DPP10: variants seen among roughly 807,000 people sequenced by gnomAD.
DPP10 encodes inactive dipeptidyl peptidase 10.
DPP10 carries 33 observed loss-of-function variants against 120.9 expected under a neutral mutation model. The ratio of observed to expected loss-of-function variants is 0.27; its 90% CI spans 0.21 to 0.37. The LOEUF (loss-of-function observed/expected upper bound fraction) is 0.37. Among genes scored for constraint, DPP10 ranks in the 10% least tolerant of loss-of-function variants. DPP10 has a pLI of 1.00. For synonymous variants in DPP10, 337 were observed against 326.1 expected, an observed-to-expected ratio of 1.03 and a Z score of -0.36; for missense variants, 816 against 942.8, an observed-to-expected ratio of 0.87 and a Z score of 1.76.
At chr2:115,425,995 G>A (rs1297015195) in intron 3 of DPP10, among the ~76,000 whole-genome samples, 3 of 152,202 alleles carry the variant, frequency 2.0e-5, no homozygotes, top group Non-Finnish European at 4.4e-5. Context: ...AACTAATGAG[G>A]GATCTGCCTC....
intron 5 of DPP10, among the ~76,000 whole-genome samples, chr2:115,674,624 C>T (rs2090136367): frequency 6.6e-6 from 1 of 152,020 alleles, no homozygotes; most frequent in Non-Finnish European, 1.5e-5. Flanking sequence ...AAGACTTGGT[C>T]CCTTAAAGAA....
At chr2:115,304,745 G>A (rs553506367) in intron 1 of DPP10, among the ~76,000 whole-genome samples, 1 of 151,982 alleles carries the variant, frequency 6.6e-6, no homozygotes, top group South Asian at 2.1e-4. Context: ...CAAATCCGCT[G>A]GTTAAGATTT....
At chr2:115,354,725 G>A (rs1339737980) in intron 3 of DPP10, among the ~76,000 whole-genome samples, 1 of 151,286 alleles carries the variant, frequency 6.6e-6, no homozygotes, top group Non-Finnish European at 1.5e-5. Context: ...AATAGGCCCT[G>A]GTGTGTGTTG....
chr2:114,668,535 G>A (rs1425503089), intron 1 of DPP10, among the ~76,000 whole-genome samples: 1 of 152,072 alleles, frequency 6.6e-6, no homozygotes, highest in African/African-American at 2.4e-5. Context: ...CCAGCTATCT[G>A]AGCAGCCTTA....
In DPP10 at chr2:114,525,137, CTATGTTCCT is replaced by C. The variant is rs1239595612; in HGVS notation, c.60+82301_60+82309del. ...TTTCTAAGCCTCCAGAAACTGTATC[CTATGTTCCT>C]TTATATTGTATTAGAAATAAAGAAT... On this transcript the variant is annotated intron_variant, in intron 1 of 25. Coordinates refer to ENST00000410059, the MANE Select transcript of DPP10 (RefSeq NM_020868.6). Among the ~76,000 whole-genome samples the C allele has an allele frequency of 3.3e-5, 5 of 152,214 alleles. No homozygotes were observed. The East Asian group carries it at 7.7e-4, about 24-fold the overall frequency.
chr2:115,827,996 T>G (rs772272109), intron 21 of DPP10, among the ~76,000 whole-genome samples: 4 of 152,158 alleles, frequency 2.6e-5, no homozygotes, highest in Non-Finnish European at 5.9e-5. Context: ...TTTCTTTGTG[T>G]AGATACAGAT....
chr2:114,570,395 A>C (rs1440637645), intron 1 of DPP10, among the ~76,000 whole-genome samples: 1 of 152,082 alleles, frequency 6.6e-6, no homozygotes, highest in Non-Finnish European at 1.5e-5. Context: ...AATCCAACCA[A>C]CATATCTAGA....
chr2:114,610,887 C>T (rs1693229474), intron 1 of DPP10, among the ~76,000 whole-genome samples: 1 of 151,966 alleles, frequency 6.6e-6, no homozygotes, highest in African/African-American at 2.4e-5. Flanking sequence ...CATCCTTATC[C>T]CTCCCCTCAG....
intron 5 of DPP10, among the ~76,000 whole-genome samples, chr2:115,576,284 G>A (rs1195189753): frequency 6.6e-6 from 1 of 152,144 alleles, no homozygotes; most frequent in East Asian, 1.9e-4. Context: ...TTTCAACAAT[G>A]ATAAAGGAAC....
chr2:115,565,395 C>T (rs1296969950), intron 5 of DPP10, among the ~76,000 whole-genome samples: 1 of 152,072 alleles, frequency 6.6e-6, no homozygotes, highest in African/African-American at 2.4e-5. Context: ...CTTTTAGCTC[C>T]AAGTACTTTT....
chr2:115,721,140 A>G (rs1042229659), intron 7 of DPP10, among the ~76,000 whole-genome samples: 5 of 152,218 alleles, frequency 3.3e-5, no homozygotes, highest in Non-Finnish European at 7.3e-5. Context: ...TGTACATTTA[A>G]GACATATGTT....
At chr2:115,299,666 A>C (rs745335410) in intron 1 of DPP10, among the ~76,000 whole-genome samples, 15 of 152,164 alleles carry the variant, frequency 9.9e-5, no homozygotes, top group South Asian at 2.1e-4. Flanking sequence ...GTTTGTGTGC[A>C]TGCAACATTT....
intron 3 of DPP10, among the ~76,000 whole-genome samples, chr2:115,359,523 C>T (rs994312321): frequency 2.6e-5 from 4 of 151,918 alleles, no homozygotes; most frequent in African/African-American, 9.7e-5. Context: ...TGTAATAGAC[C>T]TCACCCTTTT....
At chr2:115,631,429 G>C (rs1206743885) in intron 5 of DPP10, among the ~76,000 whole-genome samples, 1 of 151,758 alleles carries the variant, frequency 6.6e-6, no homozygotes, top group Non-Finnish European at 1.5e-5. Context: ...CTCTGATCTT[G>C]GTTATTTCTT....
intron 1 of DPP10, among the ~76,000 whole-genome samples, chr2:115,217,742 C>A (rs1331322022): frequency 2.6e-5 from 4 of 152,020 alleles, no homozygotes. Flanking sequence ...ATTGCTTTGC[C>A]CAAATTATTT....
chr2:114,852,151 C>CTTTTTTT lies in DPP10; in HGVS notation c.60+409332_60+409338dup, dbSNP rs34580352. Reference sequence around the variant, plus strand: ...GGGAAATTTTTATAGCGATTGCATCCTTTTTTTTTTTTTTTTTTTTTTTTT... The same window carrying CTTTTTTT: ...GGGAAATTTTTATAGCGATTGCATCCTTTTTTTTTTTTTTTTTTTTTTTTTTTTTTTT... On this transcript the variant is annotated intron_variant, in intron 1 of 25. Coordinates refer to ENST00000410059, the MANE Select transcript of DPP10 (RefSeq NM_020868.6). 2.2e-3 allele frequency among the ~76,000 whole-genome samples: 119 copies of CTTTTTTT among 53,730 alleles called. 15 individuals carry two copies. The highest frequency in any genetic ancestry group is 6.8e-3 in the African/African-American group (80 of 11,786). 35.2% of individuals were successfully genotyped at this position (53,730 alleles called of 152,430 possible). A position where few individuals can be genotyped will look rare whatever the true frequency, so the allele number is the denominator to read the frequency against.
intron 5 of DPP10, among the ~76,000 whole-genome samples, chr2:115,552,022 AC>A (rs2079906850): frequency 6.6e-6 from 1 of 152,186 alleles, no homozygotes; most frequent in South Asian, 2.1e-4. Context: ...TAAGTTGGCT[AC>A]CATAGTTCCA....
At chr2:115,706,601 C>T (rs750671401) in intron 7 of DPP10, among the ~76,000 whole-genome samples, 2 of 151,928 alleles carry the variant, frequency 1.3e-5, no homozygotes, top group Admixed American at 6.6e-5. Flanking sequence ...TGTATCATTG[C>T]AACTAAGCGC....
At chr2:115,308,837 G>A (rs1171432419) in intron 1 of DPP10, among the ~76,000 whole-genome samples, 1 of 151,822 alleles carries the variant, frequency 6.6e-6, no homozygotes, top group Non-Finnish European at 1.5e-5. Context: ...CAGTTAGAAA[G>A]TAGCCCGTAG....
Sources: allele counts gnomAD v4.1 joint callset (sites outside exome capture counted in the v4.1 genomes callset), GRCh38; gene constraint gnomAD v4.1.1; transcripts MANE v1.5; gene names NCBI Gene and HGNC (gene_info 2026-07-23, HGNC 2026-07-21).